Variants in CCDC3 observed in about 807,000 individuals in gnomAD.
CCDC3 encodes coiled-coil domain containing 3.
In CCDC3, 24 loss-of-function variants were observed where a neutral mutation model predicts 21.4. The observed-to-expected ratio is 1.12, with a 90% CI of 0.81 to 1.58. CCDC3 has a LOEUF of 1.58. Among genes scored for constraint, CCDC3 ranks in the 40% most tolerant of loss-of-function variants. CCDC3 has a pLI of 0.00. For missense variants in CCDC3, 425 were observed against 360.9 expected (o/e 1.18, Z -1.44); for synonymous variants, 186 against 166.0 (o/e 1.12, Z -0.93).
chr10:13,034,663 T>C lies in CCDC3; in HGVS notation c.-2+15011A>G, dbSNP rs147222575. The stretch of plus-strand genomic sequence containing the variant: ...TTCAGTCCAGATTCCTCTAAACTAT[T>C]ATTCCTGTAATAAATGGAATCCAAT... On this transcript the variant is annotated intron_variant, in intron 5 of 6. Transcript: ENST00000378839. Among the ~76,000 whole-genome samples, 98 of 152,240 alleles carry C rather than the reference T, an allele frequency of 6.4e-4. No individual in the cohort carries two copies. In the East Asian group the frequency reaches 0.019, roughly 29 times the overall value.
At chr10:13,003,044 T>C (rs1385080505), upstream of CCDC3, among the ~76,000 whole-genome samples, 1 of 152,190 alleles carries the variant, frequency 6.6e-6, no homozygotes, top group Non-Finnish European at 1.5e-5. Context: ...ATTAGGGAGT[T>C]AGCACTTCAA....
intron 5 of CCDC3, among the ~76,000 whole-genome samples, chr10:13,030,157 A>G (rs1028350633): frequency 2.6e-5 from 4 of 152,240 alleles, no homozygotes; most frequent in African/African-American, 9.6e-5. Flanking sequence ...CAGAAACTCT[A>G]CAAGCCAGAA....
Position 13,001,588 on chromosome 10 carries a change from C to G in CCDC3, c.-18G>C. On this transcript the variant is annotated 5_prime_UTR_variant, in exon 1 of 3. Coordinates refer to ENST00000378825, the MANE Select transcript of CCDC3 (RefSeq NM_031455.4). Reference sequence around the variant, plus strand: ...CGCAGCATGCCGGGCCCTCCCGGGGCGCACGGGGCGGCGGCGGGGAGCCCG... The same window carrying G: ...CGCAGCATGCCGGGCCCTCCCGGGGGGCACGGGGCGGCGGCGGGGAGCCCG... 2.5e-6 allele frequency: 3 copies of G among 1,180,406 alleles called. No individual in the cohort carries two copies. Among genetic ancestry groups the G allele is most frequent in the Non-Finnish European group, 3.1e-6 (3 of 955,422 alleles). The allele number at this position is 1,180,406 out of a possible 1,614,324, so 73.1% of individuals were successfully genotyped here.
intron 5 of CCDC3, among the ~76,000 whole-genome samples, chr10:13,042,749 A>T (rs1355215780): frequency 6.6e-6 from 1 of 151,860 alleles, no homozygotes; most frequent in East Asian, 1.9e-4. Flanking sequence ...TCTACTAAAA[A>T]TACAAAAAAA....
intron 2 of CCDC3, among the ~76,000 whole-genome samples, chr10:12,929,059 C>G (rs1043324003): frequency 6.6e-6 from 1 of 152,012 alleles, no homozygotes; most frequent in African/African-American, 2.4e-5. Flanking sequence ...GTCAGGAGTT[C>G]AAGACCATCC....
chr10:13,059,824 T>TCACGCTTGTAATCCCAG (rs1438073863), intron 4 of CCDC3, among the ~76,000 whole-genome samples: 1 of 152,146 alleles, frequency 6.6e-6, no homozygotes, highest in Non-Finnish European at 1.5e-5. Flanking sequence ...GCGCGGTGGC[T>TCACGCTTGTAATCCCAG]CACGCTTGTA....
intron 2 of CCDC3, among the ~76,000 whole-genome samples, chr10:12,990,598 G>A (rs1420114572): frequency 2.6e-5 from 4 of 152,216 alleles, no homozygotes; most frequent in Non-Finnish European, 4.4e-5. Context: ...GACTGGGTGT[G>A]AGCTCTCAAG....
intron 5 of CCDC3, among the ~76,000 whole-genome samples, chr10:13,034,626 T>A (rs2782282): frequency 6.6e-6 from 1 of 151,824 alleles, no homozygotes; most frequent in African/African-American, 2.4e-5. Context: ...AATGGGACCT[T>A]TTTTGTATTA....
chr10:13,001,061 G>A (rs1357484373), intron 1 of CCDC3, 136 bp downstream of exon 1: 1 of 1,119,476 alleles, frequency 8.9e-7, no homozygotes, highest in East Asian at 2.6e-5. Flanking sequence ...AGAAGGCAAG[G>A]GGTAGGCGCC....
At chr10:13,035,168 C>G (rs1468999017) in intron 5 of CCDC3, among the ~76,000 whole-genome samples, 1 of 152,134 alleles carries the variant, frequency 6.6e-6, no homozygotes, top group Non-Finnish European at 1.5e-5. Flanking sequence ...GGGTGGCAAT[C>G]TCACAGCCAG....
chr10:12,928,928 A>C (rs1054991862), intron 2 of CCDC3, among the ~76,000 whole-genome samples: 7 of 152,134 alleles, frequency 4.6e-5, no homozygotes, highest in Non-Finnish European at 8.8e-5. Flanking sequence ...GGTTGACTTC[A>C]CCTGGAGGTA....
intron 5 of CCDC3, among the ~76,000 whole-genome samples, chr10:13,021,636 T>C (rs1201834512): frequency 6.6e-6 from 1 of 152,224 alleles, no homozygotes; most frequent in African/African-American, 2.4e-5. Flanking sequence ...ATCTCTTTTC[T>C]CTATTTTGTG....
At chr10:12,975,102 A>G (rs984741284) in intron 2 of CCDC3, among the ~76,000 whole-genome samples, 1 of 152,202 alleles carries the variant, frequency 6.6e-6, no homozygotes, top group Non-Finnish European at 1.5e-5. Flanking sequence ...CGCTCTAGTC[A>G]CTAGGTAGGG....
intron 2 of CCDC3, among the ~76,000 whole-genome samples, chr10:12,962,025 G>A (rs565639548): frequency 2.0e-5 from 3 of 152,254 alleles, no homozygotes; most frequent in African/African-American, 7.2e-5. Context: ...TGTAAATAAT[G>A]GAACGTTGCT....
At chr10:13,053,378 G>A (rs1014631959) in intron 4 of CCDC3, among the ~76,000 whole-genome samples, 5 of 152,126 alleles carry the variant, frequency 3.3e-5, no homozygotes, top group African/African-American at 1.2e-4. Context: ...AGACCAGCCT[G>A]GGCAACATAG....
At chr10:13,065,513 G>C (rs1015237916) in intron 4 of CCDC3, among the ~76,000 whole-genome samples, 1 of 151,964 alleles carries the variant, frequency 6.6e-6, no homozygotes, top group Non-Finnish European at 1.5e-5. Context: ...TTTAATCCTG[G>C]GCATGCTTGG....
At chr10:13,027,597 G>A (rs1449671397) in intron 5 of CCDC3, among the ~76,000 whole-genome samples, 1 of 151,900 alleles carries the variant, frequency 6.6e-6, no homozygotes. Flanking sequence ...TCTAATCACA[G>A]CACTTTTGGA....
At chr10:13,010,771 T>C (rs1384314616) in intron 5 of CCDC3, among the ~76,000 whole-genome samples, 2 of 152,172 alleles carry the variant, frequency 1.3e-5, no homozygotes, top group Non-Finnish European at 2.9e-5. Context: ...TACTCATCAA[T>C]AGTAAGCAAT....
chr10:13,020,899 A>G (rs892630713), intron 5 of CCDC3, among the ~76,000 whole-genome samples: 40 of 152,356 alleles, frequency 2.6e-4, no homozygotes, highest in African/African-American at 9.4e-4. Context: ...ACAATAATGA[A>G]TAAATAAATA....
Sources: allele counts gnomAD v4.1 joint callset (sites outside exome capture counted in the v4.1 genomes callset), GRCh38; gene constraint gnomAD v4.1.1; transcripts MANE v1.5; gene names NCBI Gene and HGNC (gene_info 2026-07-23, HGNC 2026-07-21).